The following IL1RAPL2 variants were observed in gnomAD, a reference collection of about 807,000 sequenced individuals.
IL1RAPL2 encodes the protein X-linked interleukin-1 receptor accessory protein-like 2.
In IL1RAPL2, 3 loss-of-function variants were observed where a neutral mutation model predicts 44.1. The ratio of observed to expected loss-of-function variants is 0.07; its 90% CI spans 0.03 to 0.18. The LOEUF (loss-of-function observed/expected upper bound fraction) is 0.18, where lower values mean the gene tolerates loss of function less well. Among genes scored for constraint, IL1RAPL2 ranks in the 10% least tolerant of loss-of-function variants. The pLI is 1.00. For missense variants in IL1RAPL2, 391 were observed against 496.4 expected, an observed-to-expected ratio of 0.79 and a Z score of 2.02; for synonymous variants, 181 against 178.8, an observed-to-expected ratio of 1.01 and a Z score of -0.10.
chrX:104,585,196 T>TATA (rs1439362368), intron 1 of IL1RAPL2, among the ~76,000 whole-genome samples: 47 of 62,629 alleles, frequency 7.5e-4, no homozygotes, highest in African/African-American at 3.6e-3. Context: ...CACACATGTA[T>TATA]ATGTATTATA....
At chrX:105,084,585 T>A (rs1368355592) in intron 2 of IL1RAPL2, among the ~76,000 whole-genome samples, 1 of 112,605 alleles carries the variant, frequency 8.9e-6, no homozygotes, top group Non-Finnish European at 1.9e-5. Context: ...TGCAATCTTA[T>A]CATATGTAGG....
intron 6 of IL1RAPL2, among the ~76,000 whole-genome samples, chrX:105,662,561 T>C (rs894475884): frequency 2.7e-5 from 3 of 112,128 alleles, no homozygotes; most frequent in African/African-American, 9.7e-5. Flanking sequence ...CTAGTTCCTC[T>C]CTCTTAGAGT....
chrX:105,079,251 G>C (rs906849968), intron 2 of IL1RAPL2, among the ~76,000 whole-genome samples: 1 of 111,367 alleles, frequency 9.0e-6, no homozygotes, highest in Admixed American at 9.5e-5. Context: ...CATTGTGGAA[G>C]ACAGTGTGGA....
chrX:105,480,679 G>A, intron 5 of IL1RAPL2, among the ~76,000 whole-genome samples: 1 of 111,935 alleles, frequency 8.9e-6, no homozygotes. Context: ...AGGGGACTTG[G>A]TATTGACAGT....
At chrX:104,889,513 T>A (rs1923353710) in intron 2 of IL1RAPL2, among the ~76,000 whole-genome samples, 1 of 111,898 alleles carries the variant, frequency 8.9e-6, no homozygotes. Flanking sequence ...TCGACCTATA[T>A]CTGCATTCCT....
chrX:105,563,228 CA>C (rs1334233398), intron 6 of IL1RAPL2, among the ~76,000 whole-genome samples: 2 of 111,686 alleles, frequency 1.8e-5, no homozygotes, highest in Non-Finnish European at 1.9e-5. Flanking sequence ...GTTTGTTTTA[CA>C]AATGGGGAAA....
chrX:105,610,469 C>A (rs1460809218), intron 6 of IL1RAPL2, among the ~76,000 whole-genome samples: 1 of 111,583 alleles, frequency 9.0e-6, no homozygotes, highest in Non-Finnish European at 1.9e-5. Flanking sequence ...ATCCCCAGCA[C>A]CTCCCCCATC....
At chrX:105,021,140 T>C (rs1218201958) in intron 2 of IL1RAPL2, among the ~76,000 whole-genome samples, 2 of 111,560 alleles carry the variant, frequency 1.8e-5, no homozygotes, top group African/African-American at 6.5e-5. Context: ...TCCCTTGAGA[T>C]GTACTTAAGT....
chrX:104,878,299 G>C (rs1244840721), intron 2 of IL1RAPL2, among the ~76,000 whole-genome samples: 1 of 111,749 alleles, frequency 8.9e-6, no homozygotes, highest in Non-Finnish European at 1.9e-5. Context: ...TTATATATGA[G>C]TAAAATAATA....
Position 105,267,461 on chromosome X carries a change from A to C in IL1RAPL2, c.617A>C (p.Glu206Ala). The C allele has an allele frequency of 1.7e-6, 2 of 1,196,882 alleles. No homozygotes were observed. The highest frequency in any genetic ancestry group is 2.3e-6 in the Non-Finnish European group (2 of 883,895). Residue 206 changes from glutamate to alanine, a missense_variant, in exon 5 of 11, where the codon GAA becomes GCA. Glu to Ala is a moderately radical substitution (Grantham distance 107, BLOSUM62 -1). Coordinates refer to ENST00000372582, the MANE Select transcript of IL1RAPL2 (RefSeq NM_017416.2). ...GNALLIQEVQ[E>A]EDGGNYTCEL... ...GCTCTTCTGATCCAAGAAGTTCAAGAAGAAGATGGAGGAAATTACACATGT... is the reference window on the plus strand; with the variant it reads ...GCTCTTCTGATCCAAGAAGTTCAAGCAGAAGATGGAGGAAATTACACATGT...
At chrX:105,434,208 A>T (rs1335570051) in intron 5 of IL1RAPL2, among the ~76,000 whole-genome samples, 1 of 112,133 alleles carries the variant, frequency 8.9e-6, no homozygotes, top group Non-Finnish European at 1.9e-5. Context: ...AGTTAACATT[A>T]AAAAATACTG....
At chrX:105,374,729 A>G (rs1489662736) in intron 5 of IL1RAPL2, among the ~76,000 whole-genome samples, 2 of 110,274 alleles carry the variant, frequency 1.8e-5, no homozygotes, top group Admixed American at 1.9e-4. Flanking sequence ...CGGGTGGATC[A>G]CGAGGTCAGG....
chrX:105,678,770 C>G (rs2037896319), intron 6 of IL1RAPL2, among the ~76,000 whole-genome samples: 1 of 111,341 alleles, frequency 9.0e-6, no homozygotes, highest in Non-Finnish European at 1.9e-5. Flanking sequence ...GTGGAGAGCC[C>G]TAAGGAGATA....
At chrX:104,882,889 A>G (rs1028591477) in intron 2 of IL1RAPL2, among the ~76,000 whole-genome samples, 2 of 111,487 alleles carry the variant, frequency 1.8e-5, no homozygotes, top group African/African-American at 6.5e-5. Flanking sequence ...ACCCACTGGG[A>G]GGAACAAACA....
At chrX:104,935,687 G>A (rs1368200139) in intron 2 of IL1RAPL2, among the ~76,000 whole-genome samples, 2 of 111,900 alleles carry the variant, frequency 1.8e-5, no homozygotes, top group Non-Finnish European at 3.8e-5. Flanking sequence ...TGTAAAGTGT[G>A]CCATACTTGC....
intron 3 of IL1RAPL2, among the ~76,000 whole-genome samples, chrX:105,218,269 A>G (rs1382754169): frequency 9.0e-6 from 1 of 110,950 alleles, no homozygotes; most frequent in African/African-American, 3.3e-5. Flanking sequence ...TGCTCCCTGG[A>G]ACCACGTACT....
chrX:105,393,889 C>A (rs1330346718), intron 5 of IL1RAPL2, among the ~76,000 whole-genome samples: 1 of 112,090 alleles, frequency 8.9e-6, no homozygotes, highest in Admixed American at 9.5e-5. Flanking sequence ...CTCCCTATTT[C>A]ATAAGTGAGG....
At chrX:105,677,547 G>C (rs1322158707) in intron 6 of IL1RAPL2, among the ~76,000 whole-genome samples, 1 of 111,836 alleles carries the variant, frequency 8.9e-6, no homozygotes, top group Non-Finnish European at 1.9e-5. Context: ...TTTTTTCTTG[G>C]TAATCCTTAT....
chrX:104,735,093 T>C (rs1931989721), intron 2 of IL1RAPL2, among the ~76,000 whole-genome samples: 2 of 111,737 alleles, frequency 1.8e-5, no homozygotes, highest in African/African-American at 6.5e-5. Flanking sequence ...GCATGGAAAT[T>C]GCATGGAAGA....
Sources: gnomAD v4.1 joint callset for allele counts (sites outside exome capture counted in the v4.1 genomes callset) on GRCh38, gnomAD v4.1.1 for gene constraint, MANE v1.5 for transcripts, NCBI Gene and HGNC (gene_info 2026-07-23, HGNC 2026-07-21) for gene names.